Variants in ASTN2 observed in about 807,000 individuals in gnomAD.
ASTN2 encodes the protein astrotactin 2.
Under a neutral mutation model 139.8 loss-of-function variants are expected in ASTN2, and 54 were observed. That is an observed-to-expected ratio of 0.39 (90% CI 0.31 to 0.48). The LOEUF is 0.48. Ranked by LOEUF, ASTN2 falls within the 20% of genes least tolerant of loss-of-function variation. The pLI is 0.95. For missense variants in ASTN2, 1,565 were observed against 1,725.1 expected (o/e 0.91, Z 1.64); for synonymous variants, 756 against 719.5 (o/e 1.05, Z -0.81).
intron 10 of ASTN2, among the ~76,000 whole-genome samples, chr9:116,888,267 C>T (rs59994474): frequency 0.023 from 3,561 of 151,900 alleles, 134 homozygotes; most frequent in African/African-American, 0.081. Flanking sequence ...GAGACCTTGT[C>T]TCAAGAAAAA....
At chr9:117,323,942 C>T (rs761387956) in intron 1 of ASTN2, among the ~76,000 whole-genome samples, 2 of 152,102 alleles carry the variant, frequency 1.3e-5, no homozygotes, top group Admixed American at 6.5e-5. Context: ...GCCCAAATAT[C>T]GGCTGGACAC....
intron 1 of ASTN2, among the ~76,000 whole-genome samples, chr9:117,314,110 T>C (rs1281558903): frequency 1.3e-5 from 2 of 152,214 alleles, no homozygotes; most frequent in Non-Finnish European, 2.9e-5. Context: ...GACACCTTGC[T>C]GAAAAAGATA....
chr9:117,244,059 T>C (rs1833293876), intron 2 of ASTN2, among the ~76,000 whole-genome samples: 1 of 152,066 alleles, frequency 6.6e-6, no homozygotes, highest in Non-Finnish European at 1.5e-5. Flanking sequence ...TCATGAGATA[T>C]GATGGTTTTA....
At chr9:117,012,648 G>A (rs1035569886) in intron 6 of ASTN2, among the ~76,000 whole-genome samples, 2 of 152,266 alleles carry the variant, frequency 1.3e-5, no homozygotes, top group Non-Finnish European at 2.9e-5. Context: ...GACTCAAAGA[G>A]GAACATTGAA....
intron 4 of ASTN2, among the ~76,000 whole-genome samples, chr9:117,129,330 C>T (rs1829775925): frequency 6.6e-6 from 1 of 152,174 alleles, no homozygotes; most frequent in African/African-American, 2.4e-5. Flanking sequence ...TTGCTTCTCC[C>T]TATCTCCACC....
At chr9:117,312,890 C>T (rs1216466760) in intron 1 of ASTN2, among the ~76,000 whole-genome samples, 1 of 152,148 alleles carries the variant, frequency 6.6e-6, no homozygotes, top group Non-Finnish European at 1.5e-5. Flanking sequence ...TAAAAAAAAC[C>T]CATGGAAAAT....
chr9:117,263,862 T>A (rs1449956053), intron 2 of ASTN2, among the ~76,000 whole-genome samples: 2 of 152,102 alleles, frequency 1.3e-5, no homozygotes, highest in African/African-American at 4.8e-5. Context: ...GTGGGACACG[T>A]TTATTGATGA....
At position 116,750,976 on chromosome 9, in the gene ASTN2, C is replaced by T. The variant is rs572501375; in HGVS notation, c.2397-17453G>A. 1.2e-4 allele frequency among the ~76,000 whole-genome samples: 18 copies of T among 152,228 alleles called. 1 individual carries two copies. The South Asian group carries it at 3.5e-3, about 30-fold the overall frequency. ...AATCCAGTTTGTAAGACCCTGGATC[C>T]AGCTTCCCACCTTCTTAGATACTGG... On this transcript the variant is annotated intron_variant, in intron 13 of 22. Coordinates refer to ENST00000313400, the MANE Select transcript of ASTN2 (RefSeq NM_001365068.1).
intron 2 of ASTN2, among the ~76,000 whole-genome samples, chr9:117,247,745 C>T (rs1256054825): frequency 6.6e-6 from 1 of 152,200 alleles, no homozygotes; most frequent in Non-Finnish European, 1.5e-5. Context: ...TGGAAAGAAA[C>T]AAAATGCTTC....
rs1837698157 is a variant in ASTN2, at chr9:117,016,630, A to AACC, written c.1424-8372_1424-8371insGGT. On this transcript the variant is annotated intron_variant, in intron 6 of 22. Transcript: ENST00000313400. ...TATATCTATATCTATCTATCTATAT[A>AACC]TATATATATATATATATATATATAT... 3.7e-4 allele frequency among the ~76,000 whole-genome samples: 6 copies of AACC among 16,080 alleles called. 1 individual carries two copies. Among genetic ancestry groups the AACC allele is most frequent in the Admixed American group, 8.4e-4 (1 of 1,190 alleles). The allele number at this position is 16,080 out of a possible 152,430, so 10.5% of individuals were successfully genotyped here. A position where few individuals can be genotyped will look rare whatever the true frequency, so the allele number is the denominator to read the frequency against.
intron 13 of ASTN2, among the ~76,000 whole-genome samples, chr9:116,763,109 A>C (rs1217587523): frequency 6.6e-6 from 1 of 152,140 alleles, no homozygotes; most frequent in Non-Finnish European, 1.5e-5. Flanking sequence ...GAGGACCCCC[A>C]ATAATCATGG....
intron 3 of ASTN2, among the ~76,000 whole-genome samples, chr9:117,210,139 C>T (rs1832072676): frequency 6.6e-6 from 1 of 151,796 alleles, no homozygotes; most frequent in Non-Finnish European, 1.5e-5. Flanking sequence ...ATTAATGCAC[C>T]TCAAGGATAT....
chr9:117,144,070 A>C (rs1830135355), intron 3 of ASTN2, among the ~76,000 whole-genome samples: 1 of 152,176 alleles, frequency 6.6e-6, no homozygotes, highest in African/African-American at 2.4e-5. Flanking sequence ...GTGGGATCCC[A>C]ATCTGATAGG....
rs71379248 is a variant in ASTN2 at position 116,999,548 on chromosome 9, C to CTT, written c.1591+8542_1591+8543dup. 7.2e-3 allele frequency among the ~76,000 whole-genome samples: 682 copies of CTT among 94,676 alleles called. 41 individuals carry two copies. The highest frequency in any genetic ancestry group is 0.013 in the Middle Eastern group (2 of 158). The allele number at this position is 94,676 out of a possible 152,430, so 62.1% of individuals were successfully genotyped here. A position where few individuals can be genotyped will look rare whatever the true frequency, so the allele number is the denominator to read the frequency against. ...TTCCTCTTTCTTTCTTTCTCTCTTT[C>CTT]TTTTTTTTTTTTTTTTTTTTTTTTT... On this transcript the variant is annotated intron_variant, in intron 7 of 22. Transcript: ENST00000313400.
At chr9:116,791,773 G>T (rs764851797) in intron 13 of ASTN2, among the ~76,000 whole-genome samples, 3 of 152,278 alleles carry the variant, frequency 2.0e-5, no homozygotes, top group South Asian at 4.1e-4. Flanking sequence ...TTTAAAAATT[G>T]TCTCTGCTTC....
rs78436688 is a variant in ASTN2, at chr9:117,095,892, C to T, written c.1276+152G>A. The stretch of plus-strand genomic sequence containing the variant: ...GAAAAGCATTATACTGAAGGTCACC[C>T]ATATAGCCAGGGCAACAGATACTAA... On this transcript the variant is annotated intron_variant, in intron 5 of 22. Coordinates refer to ENST00000313400, the MANE Select transcript of ASTN2 (RefSeq NM_001365068.1). The T allele has an allele frequency of 3.9e-4, 245 of 622,602 alleles. 3 individuals carry two copies. In the East Asian group the frequency reaches 5.0e-3, roughly 13 times the overall value. The allele number at this position is 622,602 out of a possible 1,614,324, so 38.6% of individuals were successfully genotyped here.
At chr9:116,702,599 G>A (rs984096788) in intron 16 of ASTN2, among the ~76,000 whole-genome samples, 4 of 152,058 alleles carry the variant, frequency 2.6e-5, no homozygotes, top group African/African-American at 9.7e-5. Flanking sequence ...TATTTAATTG[G>A]TTCAGGTATT....
chr9:116,950,336 A>G (rs1835523038), intron 10 of ASTN2, among the ~76,000 whole-genome samples: 1 of 152,182 alleles, frequency 6.6e-6, no homozygotes, highest in Non-Finnish European at 1.5e-5. Flanking sequence ...TGATAAAGGA[A>G]GTAATTTTCC....
chr9:116,704,650 G>C (rs1827944101), intron 16 of ASTN2, among the ~76,000 whole-genome samples: 1 of 152,146 alleles, frequency 6.6e-6, no homozygotes, highest in Non-Finnish European at 1.5e-5. Flanking sequence ...TTTCAGACCT[G>C]TATTGGTGAT....
Sources: gnomAD v4.1 joint callset for allele counts (sites outside exome capture counted in the v4.1 genomes callset) on GRCh38, gnomAD v4.1.1 for gene constraint, MANE v1.5 for transcripts, NCBI Gene and HGNC (gene_info 2026-07-23, HGNC 2026-07-21) for gene names.